Variants in ATP6AP2 observed in about 807,000 individuals in gnomAD.
ATP6AP2 encodes ATPase H+ transporting accessory protein 2.
Under a neutral mutation model 23.4 loss-of-function variants are expected in ATP6AP2, and 1 was observed. The observed-to-expected ratio is 0.04, with a 90% confidence interval of 0.02 to 0.20. The LOEUF is 0.20. Among genes scored for constraint, ATP6AP2 ranks in the 10% least tolerant of loss-of-function variants. ATP6AP2 has a pLI of 1.00. For synonymous variants in ATP6AP2, 90 were observed against 97.1 expected (o/e 0.93, Z 0.43); for missense variants, 174 against 271.3 (o/e 0.64, Z 2.52).
At chrX:40,587,914 A>G (rs1926519116) in intron 1 of ATP6AP2, among the ~76,000 whole-genome samples, 1 of 112,900 alleles carries the variant, frequency 8.9e-6, no homozygotes, top group Admixed American at 9.3e-5. Flanking sequence ...TTAAATGTAA[A>G]CAACCAATCG....
At chrX:40,581,149 C>T (rs1926310745) in intron 1 of ATP6AP2, 47 bp downstream of exon 1, 1 of 1,089,420 alleles carries the variant, frequency 9.2e-7, no homozygotes, top group South Asian at 2.2e-5. Context: ...GGTCCTGCGC[C>T]GCGGGGCTTG....
At position 40,604,724 on chromosome X, in the gene ATP6AP2, T is replaced by C. The variant is rs73463398; in HGVS notation, c.859-837T>C. Among the ~76,000 whole-genome samples the C allele has an allele frequency of 7.3e-3, 813 of 111,813 alleles. 10 individuals are homozygous for C. Among genetic ancestry groups the C allele is most frequent in the African/African-American group, 0.025 (776 of 30,824 alleles). ...TGCTTTTCTTTACAGATTGACTGCA[T>C]ATGTATTTGTTCTTAAACAGTGTTG... On this transcript the variant is annotated intron_variant, in intron 8 of 8. Coordinates refer to ENST00000636580, the MANE Select transcript of ATP6AP2 (RefSeq NM_005765.3).
chrX:40,600,981 C>T, intron 8 of ATP6AP2, 100 bp downstream of exon 8: 1 of 877,690 alleles, frequency 1.1e-6, no homozygotes, highest in Non-Finnish European at 1.6e-6. Flanking sequence ...CATGAATGAG[C>T]AGTCAGTAAA....
intron 3 of ATP6AP2, among the ~76,000 whole-genome samples, chrX:40,593,046 G>A (rs1053756313): frequency 8.9e-6 from 1 of 111,996 alleles, no homozygotes; most frequent in Non-Finnish European, 1.9e-5. Context: ...CGAGGAGTCC[G>A]AGACCAGCCT....
Position 40,588,967 on chromosome X carries a change from T to C in ATP6AP2, c.38-19T>C. 1 of 1,200,887 alleles carries C rather than the reference T, an allele frequency of 8.3e-7. No individual in the cohort carries two copies. On this transcript the variant is annotated intron_variant, in intron 1 of 8. Transcript: ENST00000636580. ...TTTATGATGTTGATAATTCATTTAC[T>C]GATCTGTTTTCTTTTCAGGTGTTTT...
At chrX:40,588,334 G>GCCCC (rs58929123) in intron 1 of ATP6AP2, among the ~76,000 whole-genome samples, 72 of 12,392 alleles carry the variant, frequency 5.8e-3, no homozygotes, top group African/African-American at 0.013. Context: ...TGACATGTAT[G>GCCCC]CCCCCCCCCC....
At position 40,605,814 on chromosome X, in the gene ATP6AP2, T is replaced by C. The variant is rs982874014; in HGVS notation, c.*59T>C. Reference sequence around the variant, plus strand: ...GGAAATTGGCTGTTTTGTTAAAATATATCTTTTAGTGTGCTTTAAAGTAGA... The same window carrying C: ...GGAAATTGGCTGTTTTGTTAAAATACATCTTTTAGTGTGCTTTAAAGTAGA... On this transcript the variant is annotated 3_prime_UTR_variant, in exon 9 of 9. Coordinates refer to ENST00000636580, the MANE Select transcript of ATP6AP2 (RefSeq NM_005765.3). The C allele has an allele frequency of 6.4e-5, 63 of 988,403 alleles. No individual in the cohort carries two copies. The highest frequency in any genetic ancestry group is 1.6e-4 in the Admixed American group (7 of 44,936). The allele number at this position is 988,403 out of a possible 1,213,427, so 81.5% of individuals were successfully genotyped here. A position where few individuals can be genotyped will look rare whatever the true frequency, so the allele number is the denominator to read the frequency against.
chrX:40,594,752 TC>T (rs1926735515), intron 3 of ATP6AP2, among the ~76,000 whole-genome samples: 1 of 112,685 alleles, frequency 8.9e-6, no homozygotes, highest in African/African-American at 3.2e-5. Flanking sequence ...ATAGATGCAC[TC>T]CTAAATAATT....
intron 3 of ATP6AP2, among the ~76,000 whole-genome samples, chrX:40,592,737 A>G (rs1269295283): frequency 9.0e-6 from 1 of 110,677 alleles, no homozygotes; most frequent in Non-Finnish European, 1.9e-5. Flanking sequence ...ACTGTGGTCT[A>G]TGTGATGCTG....
chrX:40,605,571 C>G lies in ATP6AP2; in HGVS notation c.869C>G (p.Ala290Gly). 1.7e-6 allele frequency: 2 copies of G among 1,204,548 alleles called. No individual in the cohort carries two copies. The stretch of plus-strand genomic sequence containing the variant: ...TTTTCTATATTGTAGAAGAACCCAG[C>G]AAGTCCCTATAACCTTGCATATAAG... ...ILEAKQAKNP[A>G]SPYNLAYKYN... Residue 290 changes from alanine (A) to glycine (G), a missense_variant, in exon 9 of 9, where the codon GCA (alanine) becomes GGA (glycine). Transcript: ENST00000636580.
At chrX:40,588,276 T>C (rs185775241) in intron 1 of ATP6AP2, among the ~76,000 whole-genome samples, 40 of 109,961 alleles carry the variant, frequency 3.6e-4, no homozygotes, top group South Asian at 8.0e-4. Flanking sequence ...AAATACTGTT[T>C]CCTGGACTTT....
chrX:40,586,293 G>A (rs1301659659), intron 1 of ATP6AP2, among the ~76,000 whole-genome samples: 5 of 111,733 alleles, frequency 4.5e-5, no homozygotes, highest in Non-Finnish European at 9.4e-5. Flanking sequence ...CACTCCTGAT[G>A]TGTTGTCTGT....
intron 6 of ATP6AP2, 120 bp from the exon 7 acceptor site, chrX:40,599,472 G>A: frequency 1.2e-6 from 1 of 841,942 alleles, no homozygotes. Flanking sequence ...GCATGTTGTG[G>A]TACACTGGTA....
At chrX:40,598,809 G>C in intron 6 of ATP6AP2, 75 bp downstream of exon 6, 1 of 1,024,478 alleles carries the variant, frequency 9.8e-7, no homozygotes, top group South Asian at 1.9e-5. Flanking sequence ...AGTAAAGGCA[G>C]TTGAAAAGTT....
In ATP6AP2 at chrX:40,605,666, A is replaced by T; in HGVS notation, c.964A>T (p.Ile322Phe). The change falls in exon 9 of 9, where the codon ATT (isoleucine) becomes TTT (phenylalanine). Residue 322 changes from isoleucine (I) to phenylalanine (F), a missense_variant. By Grantham distance (21) the Ile-to-Phe change is conservative (BLOSUM62 0). Coordinates refer to ENST00000636580, the MANE Select transcript of ATP6AP2 (RefSeq NM_005765.3). ...AATGATCGCCTTGGCCTTGGCTGTG[A>T]TTATCACCTCTTACAATATTTGGAA... ...WIMIALALAV[I>F]ITSYNIWNMD... 1 of 1,207,985 alleles carries T rather than the reference A, an allele frequency of 8.3e-7. No individual in the cohort carries two copies. The highest frequency in any genetic ancestry group is 1.1e-6 in the Non-Finnish European group (1 of 892,081).
chrX:40,602,325 C>G (rs1926937532), intron 8 of ATP6AP2, among the ~76,000 whole-genome samples: 1 of 96,998 alleles, frequency 1.0e-5, no homozygotes, highest in Non-Finnish European at 1.9e-5. Flanking sequence ...TAGTTCAGCT[C>G]GCAAGAAAGG....
At chrX:40,586,702 T>C (rs1370680584) in intron 1 of ATP6AP2, among the ~76,000 whole-genome samples, 1 of 112,063 alleles carries the variant, frequency 8.9e-6, no homozygotes, top group Non-Finnish European at 1.9e-5. Flanking sequence ...AGTATTGAAA[T>C]AGAGGAGGGG....
chrX:40,598,798 T>C, intron 6 of ATP6AP2, 64 bp downstream of exon 6: 5 of 1,067,232 alleles, frequency 4.7e-6, no homozygotes, highest in Non-Finnish European at 6.5e-6. Flanking sequence ...CCTTGAATAA[T>C]AGTAAAGGCA....
rs370818473 is a variant in ATP6AP2, at chrX:40,601,079, T to C, written c.858+198T>C. ...AGTGATGATCAGTTCTTTAGGGTTA[T>C]AATCAGATAATGCAAGAATTTGAAT... On this transcript the variant is annotated intron_variant, in intron 8 of 8. Coordinates refer to ENST00000636580, the MANE Select transcript of ATP6AP2 (RefSeq NM_005765.3). The C allele has an allele frequency of 9.8e-6, 4 of 407,985 alleles. No individual in the cohort carries two copies. The South Asian group carries it at 1.1e-4, about 12-fold the overall frequency. The allele number at this position is 407,985 out of a possible 1,213,427, so 33.6% of individuals were successfully genotyped here.
Sources: gnomAD v4.1 joint callset for allele counts (sites outside exome capture counted in the v4.1 genomes callset) on GRCh38, gnomAD v4.1.1 for gene constraint, MANE v1.5 for transcripts, NCBI Gene and HGNC (gene_info 2026-07-23, HGNC 2026-07-21) for gene names.